Variants in ISOC1 observed in about 807,000 individuals in gnomAD.
The protein encoded by ISOC1 is isochorismatase domain-containing protein 1.
Under a neutral mutation model 30.0 loss-of-function variants are expected in ISOC1, and 33 were observed. The observed-to-expected ratio is 1.10, with a 90% CI of 0.83 to 1.47. The LOEUF is 1.47. ISOC1 is among the 40% of genes most tolerant of loss of function. The pLI is 0.00. For missense variants in ISOC1, 372 were observed against 388.0 expected, an observed-to-expected ratio of 0.96 and a Z score of 0.35; for synonymous variants, 178 against 159.8, an observed-to-expected ratio of 1.11 and a Z score of -0.86.
At position 129,095,182 on chromosome 5, in the gene ISOC1, C is replaced by T. The variant is rs1025589549; in HGVS notation, c.309+107C>T. The T allele has an allele frequency of 9.6e-6, 11 of 1,149,852 alleles. No homozygotes were observed. In the Admixed American group the frequency reaches 3.1e-4, roughly 33 times the overall value. The allele number at this position is 1,149,852 out of a possible 1,614,324, so 71.2% of individuals were successfully genotyped here. A position where few individuals can be genotyped will look rare whatever the true frequency, so the allele number is the denominator to read the frequency against. Reference sequence around the variant, plus strand: ...CTCAGGTGCCCCGAGCCGCCCGGGACCCGGGCCCTGCGCGAGTGGCTGAGT... The same window carrying T: ...CTCAGGTGCCCCGAGCCGCCCGGGATCCGGGCCCTGCGCGAGTGGCTGAGT... On this transcript the variant is annotated intron_variant, in intron 1 of 4. Coordinates refer to ENST00000173527, the MANE Select transcript of ISOC1 (RefSeq NM_016048.2).
intron 4 of ISOC1, among the ~76,000 whole-genome samples, chr5:129,107,314 C>T (rs1470466452): frequency 1.3e-5 from 2 of 152,086 alleles, no homozygotes; most frequent in Admixed American, 6.6e-5. Context: ...TTTCGTCATA[C>T]GTTTGCCCTA....
At chr5:129,107,127 A>C (rs1753647998) in intron 4 of ISOC1, 65 bp downstream of exon 4, 1 of 1,266,402 alleles carries the variant, frequency 7.9e-7, no homozygotes, top group Non-Finnish European at 1.2e-6. Context: ...AGAATACTGG[A>C]TATTTAACAG....
intron 4 of ISOC1, among the ~76,000 whole-genome samples, chr5:129,111,786 C>T (rs1423407469): frequency 2.0e-5 from 3 of 152,126 alleles, no homozygotes; most frequent in African/African-American, 7.2e-5. Context: ...CTTTCTGTCT[C>T]TCTTTTCCTC....
chr5:129,100,909 A>AT (rs1753562338), intron 1 of ISOC1, among the ~76,000 whole-genome samples: 1 of 151,224 alleles, frequency 6.6e-6, no homozygotes. Context: ...TAGGGAGGCC[A>AT]TTAAAAAAAA....
intron 1 of ISOC1, among the ~76,000 whole-genome samples, chr5:129,096,378 G>C (rs1411108611): frequency 6.6e-6 from 1 of 152,162 alleles, no homozygotes; most frequent in Non-Finnish European, 1.5e-5. Flanking sequence ...GTAGTTGGCA[G>C]CTGAATTGAT....
chr5:129,102,337 TG>T lies in ISOC1; in HGVS notation c.310-2617del, dbSNP rs1414930992. Reference sequence around the variant, plus strand: ...TTTCTTTGTTTACTGAGTTTGTGGATGGTAAGTTCCTATACTAGAGAGATTT... The same window carrying T: ...TTTCTTTGTTTACTGAGTTTGTGGATGTAAGTTCCTATACTAGAGAGATTT... On this transcript the variant is annotated intron_variant, in intron 1 of 4. Coordinates refer to ENST00000173527, the MANE Select transcript of ISOC1 (RefSeq NM_016048.2). Among the ~76,000 whole-genome samples the T allele has an allele frequency of 2.6e-5, 4 of 152,178 alleles. No individual in the cohort carries two copies. In the East Asian group the frequency reaches 7.7e-4, roughly 29 times the overall value.
intron 1 of ISOC1, among the ~76,000 whole-genome samples, chr5:129,102,936 G>A (rs1265436615): frequency 6.6e-6 from 1 of 152,196 alleles, no homozygotes; most frequent in Non-Finnish European, 1.5e-5. Flanking sequence ...CTAAGCAAGT[G>A]TAAGCTCTAA....
chr5:129,106,131 C>T (rs1351400211), intron 3 of ISOC1, among the ~76,000 whole-genome samples: 2 of 152,148 alleles, frequency 1.3e-5, no homozygotes, highest in Non-Finnish European at 2.9e-5. Flanking sequence ...GTACCAAGTG[C>T]TGTTGCTGGC....
rs1753535619 is a variant in ISOC1 at position 129,098,582 on chromosome 5, C to T, written c.309+3507C>T. ...TATCATGCTACCACCAGTGCATTTT[C>T]CAGCCTGTGGCCAGGAAAGACAGAG... On this transcript the variant is annotated intron_variant, in intron 1 of 4. Coordinates refer to ENST00000173527, the MANE Select transcript of ISOC1 (RefSeq NM_016048.2). Among the ~76,000 whole-genome samples, 3 of 152,102 alleles carry T rather than the reference C, an allele frequency of 2.0e-5. No individual in the cohort carries two copies. In the South Asian group the frequency reaches 6.2e-4, roughly 32 times the overall value.
intron 1 of ISOC1, among the ~76,000 whole-genome samples, chr5:129,104,167 C>T (rs192174153): frequency 6.6e-6 from 1 of 152,064 alleles, no homozygotes; most frequent in Non-Finnish European, 1.5e-5. Flanking sequence ...GTGAAGTAAA[C>T]GACAGTTCAT....
chr5:129,105,422 T>C (rs772486827), intron 3 of ISOC1, 34 bp downstream of exon 3: 1 of 1,544,084 alleles, frequency 6.5e-7, no homozygotes, highest in Non-Finnish European at 8.9e-7. Context: ...AGGCACAATA[T>C]TATTTATAGA....
chr5:129,112,224 C>T (rs1753716865), intron 4 of ISOC1, among the ~76,000 whole-genome samples: 2 of 152,234 alleles, frequency 1.3e-5, no homozygotes, highest in Admixed American at 6.5e-5. Context: ...AAATATTACG[C>T]TCCCCTCGAT....
At chr5:129,109,786 A>G (rs985798000) in intron 4 of ISOC1, among the ~76,000 whole-genome samples, 41 of 152,202 alleles carry the variant, frequency 2.7e-4, no homozygotes, top group African/African-American at 8.9e-4. Flanking sequence ...GTTTGTTTCC[A>G]TAAGTGTGAA....
intron 3 of ISOC1, 80 bp downstream of exon 3, chr5:129,105,468 G>A: frequency 4.2e-6 from 5 of 1,177,546 alleles, no homozygotes; most frequent in Non-Finnish European, 4.9e-6. Flanking sequence ...TTCATATATG[G>A]TATGCCAGGT....
intron 4 of ISOC1, among the ~76,000 whole-genome samples, chr5:129,111,031 A>G (rs1402390492): frequency 6.6e-6 from 1 of 152,164 alleles, no homozygotes; most frequent in African/African-American, 2.4e-5. Flanking sequence ...CTGTTTTCAC[A>G]CAACTGGACT....
rs778147830 is a variant in ISOC1, at chr5:129,107,082, A to G, written c.750+20A>G. On this transcript the variant is annotated intron_variant, in intron 4 of 4. Coordinates refer to ENST00000173527, the MANE Select transcript of ISOC1 (RefSeq NM_016048.2). ...CTCGAGGTAATTGTCCTGCTTGGGA[A>G]TAGATCATTTGTCAAGTTTTCCAAA... is the stretch of plus-strand genomic sequence containing the variant. 6.4e-7 allele frequency: 1 copy of G among 1,568,626 alleles called. No individual in the cohort carries two copies. The highest frequency in any genetic ancestry group is 1.1e-5 in the South Asian group (1 of 90,090).
chr5:129,106,895 T>C (rs776685216), intron 3 of ISOC1, 51 bp from the exon 4 acceptor site: 1 of 1,277,766 alleles, frequency 7.8e-7, no homozygotes, highest in East Asian at 2.4e-5. Context: ...ATTTGTAAAC[T>C]ACTTTTAGTT....
Position 129,113,083 on chromosome 5 carries a change from C to G in ISOC1, c.*82C>G. 2 of 1,311,674 alleles carry G rather than the reference C, an allele frequency of 1.5e-6. No homozygotes were observed. The highest frequency in any genetic ancestry group is 2.1e-6 in the Non-Finnish European group (2 of 961,466). The allele number at this position is 1,311,674 out of a possible 1,614,324, so 81.3% of individuals were successfully genotyped here. ...GTAAGCCCACACAAGCTCTTCTTAT[C>G]TCTACTAGAATTAAAATGTTAAGTC... On this transcript the variant is annotated 3_prime_UTR_variant, in exon 5 of 5. Coordinates refer to ENST00000173527, the MANE Select transcript of ISOC1 (RefSeq NM_016048.2).
At chr5:129,108,313 A>G (rs1753661969) in intron 4 of ISOC1, among the ~76,000 whole-genome samples, 1 of 152,200 alleles carries the variant, frequency 6.6e-6, no homozygotes, top group Non-Finnish European at 1.5e-5. Context: ...GTAGCTGGCC[A>G]CAGCAGGTGT....
Sources: gnomAD v4.1 joint callset for allele counts (sites outside exome capture counted in the v4.1 genomes callset) on GRCh38, gnomAD v4.1.1 for gene constraint, MANE v1.5 for transcripts, NCBI Gene and HGNC (gene_info 2026-07-23, HGNC 2026-07-21) for gene names.